DNAH17: variants seen among roughly 807,000 people sequenced by gnomAD.
DNAH17 encodes the protein dynein axonemal heavy chain 17, also known as axonemal beta dynein heavy chain 17.
A neutral mutation model predicts 485.6 loss-of-function variants in DNAH17; 376 were observed. The ratio of observed to expected loss-of-function variants is 0.77; its 90% CI spans 0.71 to 0.84. The LOEUF (loss-of-function observed/expected upper bound fraction) is 0.84. Among genes scored for constraint, DNAH17 ranks in the 40% least tolerant of loss-of-function variants. The probability of loss-of-function intolerance (pLI) is 0.00; values close to 1 mark genes in which losing one functional copy is unlikely to be tolerated. For missense variants in DNAH17, 6,370 were observed against 5,839.3 expected (o/e 1.09, Z -2.96); for synonymous variants, 3,031 against 2,405.9 (o/e 1.26, Z -7.60).
At chr17:78,544,941 A>G (rs892166639) in intron 16 of DNAH17, among the ~76,000 whole-genome samples, 2 of 152,126 alleles carry the variant, frequency 1.3e-5, no homozygotes, top group Non-Finnish European at 2.9e-5. Flanking sequence ...AAAACACCTA[A>G]TAAGTTTTTT....
chr17:78,450,521 T>C, intron 67 of DNAH17, 127 bp from the exon 68 acceptor site: 1 of 1,443,682 alleles, frequency 6.9e-7, no homozygotes, highest in Non-Finnish European at 9.4e-7. Flanking sequence ...AGCAGCTGGG[T>C]GCAGGATGGG....
chr17:78,489,105 C>G (rs2089737785), intron 44 of DNAH17, among the ~76,000 whole-genome samples: 1 of 152,138 alleles, frequency 6.6e-6, no homozygotes, highest in African/African-American at 2.4e-5. Context: ...CAGAGGCACC[C>G]AGGCTCAGCA....
intron 54 of DNAH17, among the ~76,000 whole-genome samples, chr17:78,473,874 A>C (rs890294054): frequency 5.9e-5 from 9 of 152,136 alleles, no homozygotes; most frequent in Non-Finnish European, 1.2e-4. Flanking sequence ...GAGTGGCCGC[A>C]GATACCAATG....
chr17:78,494,328 A>G (rs982515690), intron 40 of DNAH17, 155 bp from the exon 41 acceptor site: 9 of 1,195,674 alleles, frequency 7.5e-6, no homozygotes, highest in Non-Finnish European at 1.0e-5. Context: ...GTCAATGCCG[A>G]GAGTTGACAT....
chr17:78,514,884 C>CCA lies in DNAH17; in HGVS notation c.4001_4002dup (p.Gly1335TrpfsTer7). The CCA allele has an allele frequency of 6.2e-7, 1 of 1,614,052 alleles. No individual in the cohort carries two copies. ...ACGTTTTTCACGGTGTTGTCGAGCCCCACGAAGGCATCCCAGGTTTTCATC... is the reference window on the plus strand; with the variant it reads ...ACGTTTTTCACGGTGTTGTCGAGCCCCACACGAAGGCATCCCAGGTTTTCATC... On this transcript the variant is annotated frameshift_variant, in exon 26 of 81. Coordinates refer to ENST00000389840, the MANE Select transcript of DNAH17 (RefSeq NM_173628.4). LOFTEE classifies it high-confidence loss of function.
chr17:78,544,115 G>C, intron 16 of DNAH17, 118 bp from the exon 17 acceptor site: 1 of 1,432,516 alleles, frequency 7.0e-7, no homozygotes, highest in Non-Finnish European at 9.5e-7. Context: ...TTGGATTGGA[G>C]TCTAGTTCTC....
intron 18 of DNAH17, among the ~76,000 whole-genome samples, chr17:78,538,325 G>T (rs2091433683): frequency 6.6e-6 from 1 of 152,166 alleles, no homozygotes; most frequent in African/African-American, 2.4e-5. Context: ...CTGCAGGGCT[G>T]CAGGTGCTGC....
At chr17:78,430,957 T>C (rs1320093627) in intron 75 of DNAH17, among the ~76,000 whole-genome samples, 1 of 152,142 alleles carries the variant, frequency 6.6e-6, no homozygotes, top group Non-Finnish European at 1.5e-5. Flanking sequence ...CATGGCTCAC[T>C]GCAGCCTTGA....
At chr17:78,476,551 G>A (rs769716849) in intron 52 of DNAH17, 21 bp downstream of exon 52, 11 of 1,600,606 alleles carry the variant, frequency 6.9e-6, no homozygotes, top group African/African-American at 1.3e-5. Context: ...CTCGGCAGAG[G>A]GACTGGGCAG....
At chr17:78,452,700 T>C (rs1160069660) in intron 65 of DNAH17, among the ~76,000 whole-genome samples, 1 of 152,218 alleles carries the variant, frequency 6.6e-6, no homozygotes, top group East Asian at 1.9e-4. Flanking sequence ...ATCGTACCAC[T>C]GGACTCCAGC....
intron 20 of DNAH17, among the ~76,000 whole-genome samples, 187 bp from the exon 21 acceptor site, chr17:78,530,699 T>C (rs2091210470): frequency 6.6e-6 from 1 of 152,114 alleles, no homozygotes; most frequent in Non-Finnish European, 1.5e-5. Flanking sequence ...TATTGTTCCT[T>C]CCAGCCCCAG....
intron 70 of DNAH17, among the ~76,000 whole-genome samples, chr17:78,445,145 T>C (rs2087227798): frequency 6.7e-6 from 1 of 149,302 alleles, no homozygotes; most frequent in Non-Finnish European, 1.5e-5. Context: ...CGAGGGTCCC[T>C]GACTGTGTCC....
chr17:78,425,363 T>C lies in DNAH17; in HGVS notation c.13124A>G (p.Tyr4375Cys). 6.2e-7 allele frequency: 1 copy of C among 1,613,976 alleles called. No homozygotes were observed. The highest frequency in any genetic ancestry group is 8.5e-7 in the Non-Finnish European group (1 of 1,179,872). Residue 4375 changes from tyrosine (Y) to cysteine (C), a missense_variant, in exon 80 of 81, where the codon TAC (tyrosine) becomes TGC (cysteine). Tyr to Cys is a radical substitution (Grantham distance 194, BLOSUM62 -2). Transcript: ENST00000389840. ...CTCCTTACCTTCCATGAAGAGTCCG[T>C]ACACGTAGGAGCCCTCTCGCGGAGG... is the stretch of plus-strand genomic sequence containing the variant. ...TAPPREGSYVYGLFMEGARWD... is the reference protein window; with the variant it reads ...TAPPREGSYVCGLFMEGARWD...
chr17:78,535,964 C>A (rs1317692913), intron 19 of DNAH17, among the ~76,000 whole-genome samples: 1 of 152,008 alleles, frequency 6.6e-6, no homozygotes, highest in Non-Finnish European at 1.5e-5. Flanking sequence ...ACAAACACAC[C>A]ACCTCAAACC....
intron 11 of DNAH17, among the ~76,000 whole-genome samples, chr17:78,565,353 G>A (rs557722332): frequency 1.1e-3 from 170 of 152,300 alleles, no homozygotes; most frequent in African/African-American, 3.9e-3. Context: ...ACACCAACTC[G>A]ATCCAAGACT....
intron 12 of DNAH17, 23 bp downstream of exon 12, chr17:78,561,692 C>T (rs765135588): frequency 6.3e-7 from 1 of 1,581,304 alleles, no homozygotes; most frequent in South Asian, 1.2e-5. Context: ...GGGTGCCTGC[C>T]CCTGCCCAGG....
intron 20 of DNAH17, among the ~76,000 whole-genome samples, chr17:78,531,049 T>A (rs573138825): frequency 6.6e-6 from 1 of 152,356 alleles, no homozygotes; most frequent in South Asian, 2.1e-4. Flanking sequence ...TCTGTAGCTG[T>A]CTGTTGGTCC....
intron 20 of DNAH17, among the ~76,000 whole-genome samples, chr17:78,530,911 T>C (rs1185932805): frequency 1.3e-5 from 2 of 152,204 alleles, no homozygotes; most frequent in East Asian, 3.9e-4. Flanking sequence ...AATGTACCCC[T>C]GGGCATGGGT....
chr17:78,478,966 C>T (rs2089229626), intron 51 of DNAH17, 59 bp downstream of exon 51: 1 of 1,447,222 alleles, frequency 6.9e-7, no homozygotes, highest in Non-Finnish European at 9.7e-7. Flanking sequence ...GAGGAAAGCA[C>T]CTGTGGATCA....
Sources: allele counts gnomAD v4.1 joint callset (sites outside exome capture counted in the v4.1 genomes callset), GRCh38; gene constraint gnomAD v4.1.1; transcripts MANE v1.5; gene names NCBI Gene and HGNC (gene_info 2026-07-23, HGNC 2026-07-21).